The following OXNAD1 variants were observed in gnomAD, a reference collection of about 807,000 sequenced individuals.
OXNAD1 encodes oxidoreductase NAD-binding domain-containing protein 1.
OXNAD1 carries 34 observed loss-of-function variants against 32.9 expected under a neutral mutation model. The observed-to-expected ratio is 1.03, with a 90% CI of 0.79 to 1.38. The LOEUF (loss-of-function observed/expected upper bound fraction) is 1.38. Ranked by LOEUF, OXNAD1 falls within the 40% of genes most tolerant of loss-of-function variation. The pLI is 0.00. For synonymous variants in OXNAD1, 134 were observed against 135.2 expected, an observed-to-expected ratio of 0.99 and a Z score of 0.06; for missense variants, 407 against 379.4, an observed-to-expected ratio of 1.07 and a Z score of -0.60.
intron 9 of OXNAD1, among the ~76,000 whole-genome samples, chr3:16,343,454 C>T (rs2071441301): frequency 6.6e-6 from 1 of 152,324 alleles, no homozygotes; most frequent in East Asian, 1.9e-4. Flanking sequence ...TTTTCCTCCT[C>T]CAAGATAAAC....
rs187760994 is a variant in OXNAD1, at chr3:16,298,965, C to G, written c.433-2661C>G. Among the ~76,000 whole-genome samples, 1 of 152,260 alleles carries G rather than the reference C, an allele frequency of 6.6e-6. No homozygotes were observed. The highest frequency in any genetic ancestry group is 2.1e-4 in the South Asian group (1 of 4,828). ...AAGACAAAGATGGCTTTTAATTCTT[C>G]CCGGATGCTACCAAATCAGAATACA... On this transcript the variant is annotated intron_variant, in intron 6 of 8. Transcript: ENST00000285083. The surrounding 1 kb of genome is among the most constrained non-coding windows in gnomAD (Gnocchi z 5.1).
intron 9 of OXNAD1, among the ~76,000 whole-genome samples, chr3:16,343,244 G>C (rs540188108): frequency 6.6e-6 from 1 of 152,280 alleles, no homozygotes; most frequent in South Asian, 2.1e-4. Context: ...CTAATTAGTG[G>C]TAATGGAACA....
At position 16,277,002 on chromosome 3, in the gene OXNAD1, G is replaced by T. The variant is rs1575066966; in HGVS notation, c.183+5280G>T. 6.7e-6 allele frequency among the ~76,000 whole-genome samples: 1 copy of T among 149,864 alleles called. No individual in the cohort carries two copies. Among genetic ancestry groups the T allele is most frequent in the Admixed American group, 6.7e-5 (1 of 14,976 alleles). On this transcript the variant is annotated intron_variant, in intron 4 of 8. Transcript: ENST00000285083. This position sits in a 1 kb window ranked among gnomAD's most constrained non-coding sequence, Gnocchi z 4.3. The stretch of plus-strand genomic sequence containing the variant: ...CGCAATGGTGCGATCTTGGCTCACT[G>T]CAACCTCTGCCTCCCGGGTTCAAGT...
intron 5 of OXNAD1, among the ~76,000 whole-genome samples, chr3:16,291,759 G>T (rs1282318863): frequency 2.0e-5 from 3 of 152,184 alleles, no homozygotes; most frequent in Non-Finnish European, 4.4e-5. Flanking sequence ...CTAAACCTAG[G>T]CATGGAATTG....
intron 4 of OXNAD1, among the ~76,000 whole-genome samples, chr3:16,283,536 C>G (rs748637026): frequency 1.3e-5 from 2 of 152,178 alleles, no homozygotes; most frequent in Non-Finnish European, 2.9e-5. Context: ...AATATTTAAC[C>G]TAGCATCTGG....
downstream of OXNAD1, among the ~76,000 whole-genome samples, chr3:16,338,636 A>G (rs2071085122): frequency 6.6e-6 from 1 of 152,232 alleles, no homozygotes; most frequent in South Asian, 2.1e-4. This position sits in a 1 kb window ranked among gnomAD's most constrained non-coding sequence, Gnocchi z 5.3. Context: ...GGCTTTGATG[A>G]GAGAGAAAAC....
chr3:16,282,719 T>G (rs2125028322), intron 4 of OXNAD1, among the ~76,000 whole-genome samples: 1 of 151,436 alleles, frequency 6.6e-6, no homozygotes, highest in Admixed American at 6.6e-5. Context: ...AGGTGTTAGG[T>G]ACCTTTGAGG....
downstream of OXNAD1, among the ~76,000 whole-genome samples, chr3:16,307,778 AAAGAC>A (rs150619809): frequency 0.68 from 102,569 of 151,608 alleles, 35,591 homozygotes; most frequent in African/African-American, 0.83. Flanking sequence ...GAAGAGTTGC[AAAGAC>A]AAGACAGGGT....
chr3:16,338,163 T>G (rs1026283525), downstream of OXNAD1, among the ~76,000 whole-genome samples: 1 of 152,186 alleles, frequency 6.6e-6, no homozygotes, highest in African/African-American at 2.4e-5. The surrounding 1 kb of genome is among the most constrained non-coding windows in gnomAD (Gnocchi z 5.3). Flanking sequence ...GTCAGTTACT[T>G]GGAAGGCAGA....
In OXNAD1 at chr3:16,348,287, TAGG is replaced by T. The variant is rs1472945513; in HGVS notation, c.*31-886_*31-884del. Reference sequence around the variant, plus strand: ...GACATTATCCATAATCAGAGGCGTCTAGGAGATCACCCACATTATCTATTATTG... The same window carrying T: ...GACATTATCCATAATCAGAGGCGTCTAGATCACCCACATTATCTATTATTG... On this transcript the variant is annotated intron_variant, in intron 9 of 9. Transcript: ENST00000606098. This position sits in a 1 kb window ranked among gnomAD's most constrained non-coding sequence, Gnocchi z 6.3. Among the ~76,000 whole-genome samples, 4 of 152,080 alleles carry T rather than the reference TAGG, an allele frequency of 2.6e-5. No individual in the cohort carries two copies. The highest frequency in any genetic ancestry group is 5.9e-5 in the Non-Finnish European group (4 of 68,010).
chr3:16,303,834 G>C lies in OXNAD1; in HGVS notation c.*272G>C, dbSNP rs776899439. ...TCTCATGATGTACCATGATTGGTCA[G>C]TATAGATTTTTCTTTTGTCTTTAGG... is the stretch of plus-strand genomic sequence containing the variant. On this transcript the variant is annotated 3_prime_UTR_variant, in exon 9 of 9. Coordinates refer to ENST00000285083, the MANE Select transcript of OXNAD1 (RefSeq NM_138381.5). The surrounding 1 kb of genome is among the most constrained non-coding windows in gnomAD (Gnocchi z 4.8). 7 of 242,190 alleles carry C rather than the reference G, an allele frequency of 2.9e-5. No individual in the cohort carries two copies. Among genetic ancestry groups the C allele is most frequent in the Non-Finnish European group, 4.7e-5 (6 of 126,498 alleles). 15.0% of individuals were successfully genotyped at this position (242,190 alleles called of 1,614,324 possible).
chr3:16,324,219 A>G (rs576210900), intron 9 of OXNAD1, among the ~76,000 whole-genome samples: 27 of 152,296 alleles, frequency 1.8e-4, no homozygotes, highest in African/African-American at 6.5e-4. Context: ...TATGTTTACA[A>G]TGTGGACTGA....
downstream of OXNAD1, among the ~76,000 whole-genome samples, chr3:16,309,157 C>A (rs1014102944): frequency 6.6e-6 from 1 of 152,122 alleles, no homozygotes; most frequent in South Asian, 2.1e-4. Context: ...TAATACACTT[C>A]AAATTCTTGC....
In OXNAD1 at chr3:16,303,450, A is replaced by G. The variant is rs1387285012; in HGVS notation, c.827A>G (p.Lys276Arg). The G allele has an allele frequency of 5.6e-6, 9 of 1,613,892 alleles. No homozygotes were observed. The highest frequency in any genetic ancestry group is 7.6e-6 in the Non-Finnish European group (9 of 1,179,928). Reference sequence around the variant, plus strand: ...AAGGAGATAAGAGATCATATTTCAAAAGAGACTTTGTTCTATATTTGTGGC... The same window carrying G: ...AAGGAGATAAGAGATCATATTTCAAGAGAGACTTTGTTCTATATTTGTGGC... ...TEKEIRDHIS[K>R]ETLFYICGPP... The change falls in exon 9 of 9, where the codon AAA becomes AGA. Residue 276 changes from lysine (K) to arginine (R), a missense_variant. Transcript: ENST00000285083. This position sits in a 1 kb window ranked among gnomAD's most constrained non-coding sequence, Gnocchi z 4.8.
chr3:16,272,359 A>T, intron 4 of OXNAD1: 1 of 235,998 alleles, frequency 4.2e-6, no homozygotes. Flanking sequence ...CATAAATCGG[A>T]TATTTGATTT....
rs2068469178 is a variant in OXNAD1, at chr3:16,317,008, C to A, written c.*30+13416C>A. 6.2e-7 allele frequency: 1 copy of A among 1,613,626 alleles called. No homozygotes were observed. Among genetic ancestry groups the A allele is most frequent in the East Asian group, 2.2e-5 (1 of 44,806 alleles). The stretch of plus-strand genomic sequence containing the variant: ...CACACAGCAGGCCACCAGGGGACAG[C>A]TGTTCTCCCTTGTCCTCTTGGACAG... On this transcript the variant is annotated intron_variant, in intron 9 of 9. Coordinates refer to the OXNAD1 transcript ENST00000435829. The surrounding 1 kb of genome is among the most constrained non-coding windows in gnomAD (Gnocchi z 4.3).
At chr3:16,338,329 G>T (rs2071056511), downstream of OXNAD1, among the ~76,000 whole-genome samples, 1 of 152,258 alleles carries the variant, frequency 6.6e-6, no homozygotes, top group African/African-American at 2.4e-5. This position sits in a 1 kb window ranked among gnomAD's most constrained non-coding sequence, Gnocchi z 5.3. Context: ...AATGAGGCCG[G>T]ACATGCGGCG....
intron 5 of OXNAD1, among the ~76,000 whole-genome samples, chr3:16,291,894 ATTGT>A (rs2066454013): frequency 1.3e-5 from 2 of 152,128 alleles, no homozygotes; most frequent in Admixed American, 1.3e-4. Context: ...CCCTAACACT[ATTGT>A]TTGTCTCTTT....
chr3:16,299,276 C>T lies in OXNAD1; in HGVS notation c.433-2350C>T, dbSNP rs1003887086. ...TATAGGAGATGAAATTCATTGTCAT[C>T]GTTAGGCAGAGCCTCTTGTATCTTA... On this transcript the variant is annotated intron_variant, in intron 6 of 8. Transcript: ENST00000285083. The surrounding 1 kb of genome is among the most constrained non-coding windows in gnomAD (Gnocchi z 4.4). Among the ~76,000 whole-genome samples, 1 of 152,138 alleles carries T rather than the reference C, an allele frequency of 6.6e-6. No homozygotes were observed. Among genetic ancestry groups the T allele is most frequent in the South Asian group, 2.1e-4 (1 of 4,830 alleles).
Sources: allele counts gnomAD v4.1 joint callset (sites outside exome capture counted in the v4.1 genomes callset), GRCh38; gene constraint gnomAD v4.1.1; non-coding constraint Gnocchi (gnomAD v3.1); transcripts MANE v1.5; gene names NCBI Gene and HGNC (gene_info 2026-07-23, HGNC 2026-07-21).